The following CPPED1 variants were observed in gnomAD, a reference collection of about 807,000 sequenced individuals.
The protein encoded by CPPED1 is serine/threonine-protein phosphatase CPPED1.
In CPPED1, 28 loss-of-function variants were observed where a neutral mutation model predicts 28.0. That is an observed-to-expected ratio of 1.00 (90% confidence interval 0.74 to 1.37). The LOEUF is 1.37. Among genes scored for constraint, CPPED1 ranks in the 40% most tolerant of loss-of-function variants. CPPED1 has a pLI of 0.00. For missense variants in CPPED1, 504 were observed against 416.5 expected (o/e 1.21, Z -1.83); for synonymous variants, 198 against 180.2 (o/e 1.10, Z -0.79).
chr16:12,735,161 C>G (rs2141207738), intron 2 of CPPED1, among the ~76,000 whole-genome samples: 1 of 152,272 alleles, frequency 6.6e-6, no homozygotes, highest in South Asian at 2.1e-4. Flanking sequence ...TTTTATGGAC[C>G]TGAAAATCTG....
rs143600510 is a variant in CPPED1 at position 12,787,555 on chromosome 16, T to C, written c.71-6152A>G. On this transcript the variant is annotated intron_variant, in intron 1 of 3. Transcript: ENST00000381774. ...GAGCAGCTGGGATTATACAGGCATG[T>C]GCCACCACACCTGGCTCATTTTTGT... 1.7e-3 allele frequency among the ~76,000 whole-genome samples: 265 copies of C among 152,020 alleles called. 7 individuals carry two copies. In the East Asian group the frequency reaches 0.035, roughly 20 times the overall value.
intron 3 of CPPED1, among the ~76,000 whole-genome samples, chr16:12,675,262 A>G (rs1483474262): frequency 2.6e-5 from 4 of 152,196 alleles, no homozygotes; most frequent in African/African-American, 9.6e-5. Flanking sequence ...ACATGCCTCT[A>G]TGGTTCCTTA....
At chr16:12,684,501 G>A (rs1478996778) in intron 3 of CPPED1, among the ~76,000 whole-genome samples, 1 of 152,184 alleles carries the variant, frequency 6.6e-6, no homozygotes, top group Non-Finnish European at 1.5e-5. Context: ...TACAGGACGA[G>A]CTATTTTGTG....
chr16:12,733,849 A>G (rs978381007), intron 2 of CPPED1, among the ~76,000 whole-genome samples: 2 of 152,186 alleles, frequency 1.3e-5, no homozygotes, highest in East Asian at 1.9e-4. Flanking sequence ...CTTGCTGGGT[A>G]CAGCTACTTG....
chr16:12,798,314 C>G (rs1014853485), intron 1 of CPPED1, among the ~76,000 whole-genome samples: 1 of 152,150 alleles, frequency 6.6e-6, no homozygotes, highest in African/African-American at 2.4e-5. Flanking sequence ...AAATATATCT[C>G]AAATAAGAGA....
chr16:12,683,233 T>C (rs2079915104), intron 3 of CPPED1, among the ~76,000 whole-genome samples: 1 of 152,188 alleles, frequency 6.6e-6, no homozygotes, highest in African/African-American at 2.4e-5. Context: ...CGATGATCCC[T>C]TAAAGAACAC....
chr16:12,787,552 ATG>A (rs1381419573), intron 1 of CPPED1, among the ~76,000 whole-genome samples: 10 of 151,858 alleles, frequency 6.6e-5, no homozygotes, highest in Non-Finnish European at 1.2e-4. Context: ...TTATACAGGC[ATG>A]TGCCACCACA....
At chr16:12,755,808 C>T (rs1387590942) in intron 2 of CPPED1, among the ~76,000 whole-genome samples, 3 of 152,024 alleles carry the variant, frequency 2.0e-5, no homozygotes, top group Non-Finnish European at 4.4e-5. Flanking sequence ...ATGGCAGGGG[C>T]GTGGTGGGGG....
At chr16:12,773,059 G>T (rs1356326777) in intron 2 of CPPED1, among the ~76,000 whole-genome samples, 1 of 152,148 alleles carries the variant, frequency 6.6e-6, no homozygotes, top group African/African-American at 2.4e-5. Context: ...AAAACTCTTA[G>T]TTTTCAGAGC....
chr16:12,699,246 T>TA (rs1461343161), intron 3 of CPPED1, among the ~76,000 whole-genome samples: 2 of 152,166 alleles, frequency 1.3e-5, no homozygotes, highest in African/African-American at 4.8e-5. Flanking sequence ...AGACAGAAAA[T>TA]AACAGGTGCT....
At chr16:12,771,558 A>G (rs539485131) in intron 2 of CPPED1, among the ~76,000 whole-genome samples, 14 of 152,222 alleles carry the variant, frequency 9.2e-5, no homozygotes, top group Non-Finnish European at 1.9e-4. Context: ...GCAATGAGAT[A>G]AGGCCTTTTC....
At chr16:12,716,595 T>C (rs1386250851) in intron 2 of CPPED1, among the ~76,000 whole-genome samples, 2 of 152,226 alleles carry the variant, frequency 1.3e-5, no homozygotes, top group Non-Finnish European at 2.9e-5. Context: ...TCAGTCCTAT[T>C]TGGGATTTTA....
intron 2 of CPPED1, among the ~76,000 whole-genome samples, chr16:12,717,646 A>T (rs1004755784): frequency 6.6e-6 from 1 of 151,758 alleles, no homozygotes; most frequent in African/African-American, 2.4e-5. Context: ...ACATAATAAT[A>T]ATTATTATTT....
chr16:12,802,674 T>C (rs1446572634), intron 1 of CPPED1, among the ~76,000 whole-genome samples: 2 of 152,184 alleles, frequency 1.3e-5, no homozygotes, highest in East Asian at 1.9e-4. Context: ...GTAAAGTCTC[T>C]GAGGAAGTGA....
chr16:12,725,021 C>T (rs972112775), intron 2 of CPPED1, among the ~76,000 whole-genome samples: 2 of 152,016 alleles, frequency 1.3e-5, no homozygotes, highest in East Asian at 1.9e-4. Context: ...CTCCTGACCT[C>T]GTGATCCACC....
chr16:12,773,669 C>T (rs1377942461), intron 2 of CPPED1, among the ~76,000 whole-genome samples: 2 of 151,914 alleles, frequency 1.3e-5, no homozygotes, highest in African/African-American at 2.4e-5. Context: ...TGCAGTGAGC[C>T]GAGATCATGA....
chr16:12,707,460 C>T (rs145462872), intron 2 of CPPED1, among the ~76,000 whole-genome samples: 2 of 152,238 alleles, frequency 1.3e-5, no homozygotes, highest in Admixed American at 6.5e-5. Flanking sequence ...AAACTAAGGT[C>T]GTTGCTCTCA....
At chr16:12,708,574 C>T (rs982449009) in intron 2 of CPPED1, among the ~76,000 whole-genome samples, 2 of 152,128 alleles carry the variant, frequency 1.3e-5, no homozygotes, top group African/African-American at 2.4e-5. Context: ...TGAAAATCTT[C>T]CCCAGGGACA....
At chr16:12,763,653 G>C (rs1008616599) in intron 2 of CPPED1, among the ~76,000 whole-genome samples, 10 of 152,166 alleles carry the variant, frequency 6.6e-5, no homozygotes, top group Admixed American at 6.5e-4. Flanking sequence ...GCTACAGAGA[G>C]ATTAGATAAC....
Sources: allele counts gnomAD v4.1 joint callset (sites outside exome capture counted in the v4.1 genomes callset), GRCh38; gene constraint gnomAD v4.1.1; transcripts MANE v1.5; gene names NCBI Gene and HGNC (gene_info 2026-07-23, HGNC 2026-07-21).